Variants in ZNF765 observed in about 807,000 individuals in gnomAD.
The protein encoded by ZNF765 is zinc finger protein 765.
ZNF765 carries 37 observed loss-of-function variants against 44.7 expected under a neutral mutation model. The ratio of observed to expected loss-of-function variants is 0.83; its 90% CI spans 0.64 to 1.09. The LOEUF is 1.09. Among genes scored for constraint, ZNF765 ranks in the 50% least tolerant of loss-of-function variants. The probability of loss-of-function intolerance (pLI) is 0.00; values close to 1 mark genes in which losing one functional copy is unlikely to be tolerated. For missense variants in ZNF765, 594 were observed against 626.1 expected (o/e 0.95, Z 0.55); for synonymous variants, 201 against 213.7 (o/e 0.94, Z 0.52).
chr19:53,408,360 A>G lies in ZNF765; in HGVS notation c.805A>G (p.Lys269Glu), dbSNP rs1311601490. 1 of 1,614,196 alleles carries G rather than the reference A, an allele frequency of 6.2e-7. No individual in the cohort carries two copies. Reference sequence around the variant, plus strand: ...CCATCGTAGATGTCACACTGGTGAGAAACCTTACAAGTGTAATGAGTGTGG... The same window carrying G: ...CCATCGTAGATGTCACACTGGTGAGGAACCTTACAAGTGTAATGAGTGTGG... ...ARHRRCHTGE[K>E]PYKCNECGKT... The change falls in exon 4 of 4, where the codon AAA becomes GAA. Residue 269 changes from lysine to glutamate, a missense_variant. Physicochemically the swap from Lys to Glu is moderately conservative, Grantham distance 56 (BLOSUM62 1). Around this residue, in one of 2 missense-constraint regions of ZNF765, gnomAD observed 567 missense variants for 572.6 expected, o/e 0.99. Transcript: ENST00000396408.
rs2085818554 is a variant in ZNF765, at chr19:53,409,971, G to C, written c.*844G>C. On this transcript the variant is annotated 3_prime_UTR_variant, in exon 4 of 4. Transcript: ENST00000396408. ...AATGCTACAACTATTGCAAATCATTGGAGAATCCATAATGAAGAGAGATCC... is the reference window on the plus strand; with the variant it reads ...AATGCTACAACTATTGCAAATCATTCGAGAATCCATAATGAAGAGAGATCC... 6 of 556,356 alleles carry C rather than the reference G, an allele frequency of 1.1e-5. No individual in the cohort carries two copies. The Admixed American group carries it at 1.3e-4, about 12-fold the overall frequency. The allele number at this position is 556,356 out of a possible 1,614,324, so 34.5% of individuals were successfully genotyped here. A position where few individuals can be genotyped will look rare whatever the true frequency, so the allele number is the denominator to read the frequency against.
chr19:53,414,800 G>C (rs1221911424), downstream of ZNF765, among the ~76,000 whole-genome samples: 1 of 150,480 alleles, frequency 6.6e-6, no homozygotes. Flanking sequence ...CACCACAGGT[G>C]CTCAATCAGT....
At chr19:53,402,248 CTTTTTTTTTTT>C (rs72582439) in intron 3 of ZNF765, 57 bp downstream of exon 3, 186 of 1,260,198 alleles carry the variant, frequency 1.5e-4, no homozygotes, top group Non-Finnish European at 1.5e-4. Context: ...ATTTTCTCTC[CTTTTTTTTTTT>C]TTTTTTTTTT....
At chr19:53,407,644 C>A in intron 3 of ZNF765, 54 bp from the exon 4 acceptor site, 3 of 1,318,648 alleles carry the variant, frequency 2.3e-6, no homozygotes, top group South Asian at 1.7e-5. Context: ...CACATTTCAG[C>A]ATTATTTACC....
chr19:53,414,254 A>AAAAAAC (rs2085856023), downstream of ZNF765, among the ~76,000 whole-genome samples: 4 of 147,154 alleles, frequency 2.7e-5, no homozygotes. Context: ...AAAAAAAAAA[A>AAAAAAC]GAAACTTGCA....
At chr19:53,407,627 A>G (rs1201518781) in intron 3 of ZNF765, 71 bp from the exon 4 acceptor site, 4 of 1,174,942 alleles carry the variant, frequency 3.4e-6, no homozygotes, top group Middle Eastern at 2.1e-4. Context: ...TTTTTGTGTC[A>G]TATTTACACA....
At chr19:53,418,278 G>A (rs887370419) in intron 3 of ZNF765, among the ~76,000 whole-genome samples, 1 of 152,120 alleles carries the variant, frequency 6.6e-6, no homozygotes, top group Non-Finnish European at 1.5e-5. Context: ...GCGGGTGCCT[G>A]TAGTCCCAGC....
intron 3 of ZNF765, among the ~76,000 whole-genome samples, chr19:53,419,519 T>C (rs957614899): frequency 2.0e-5 from 3 of 152,196 alleles, no homozygotes. Context: ...ATAATCAGTT[T>C]TAGATAGCAG....
chr19:53,416,539 A>G (rs1248904933), downstream of ZNF765, among the ~76,000 whole-genome samples: 1 of 152,222 alleles, frequency 6.6e-6, no homozygotes, highest in Non-Finnish European at 1.5e-5. Flanking sequence ...TTATAGGACC[A>G]GTAAACCTTT....
chr19:53,409,368 C>A lies in ZNF765; in HGVS notation c.*241C>A. 1.2e-6 allele frequency: 1 copy of A among 838,232 alleles called. No individual in the cohort carries two copies. The highest frequency in any genetic ancestry group is 1.4e-5 in the South Asian group (1 of 73,462). The allele number at this position is 838,232 out of a possible 1,614,324, so 51.9% of individuals were successfully genotyped here. A position where few individuals can be genotyped will look rare whatever the true frequency, so the allele number is the denominator to read the frequency against. The stretch of plus-strand genomic sequence containing the variant: ...TAAACTTCATAGTGGAGAGACCTTA[C>A]AAATGTGAAGAATGTGAAGAAGCTT... On this transcript the variant is annotated 3_prime_UTR_variant, in exon 4 of 4. Coordinates refer to ENST00000396408, the MANE Select transcript of ZNF765 (RefSeq NM_001040185.3).
chr19:53,408,376 A>G lies in ZNF765; in HGVS notation c.821A>G (p.Asn274Ser), dbSNP rs2085797789. The G allele has an allele frequency of 6.2e-7, 1 of 1,614,216 alleles. No homozygotes were observed. Among genetic ancestry groups the G allele is most frequent in the Non-Finnish European group, 8.5e-7 (1 of 1,180,016 alleles). The stretch of plus-strand genomic sequence containing the variant: ...ACTGGTGAGAAACCTTACAAGTGTA[A>G]TGAGTGTGGCAAGACCTTCAGTCAG... ...CHTGEKPYKC[N>S]ECGKTFSQTY... The change falls in exon 4 of 4, where the codon AAT (asparagine) becomes AGT (serine). Residue 274 changes from asparagine (N) to serine (S), a missense_variant. Transcript: ENST00000396408.
intron 3 of ZNF765, among the ~76,000 whole-genome samples, chr19:53,419,412 T>C (rs544751324): frequency 9.2e-5 from 14 of 152,214 alleles, no homozygotes; most frequent in Admixed American, 2.0e-4. Flanking sequence ...AGAGTCATTG[T>C]TTCTCTATTG....
At chr19:53,407,119 C>A (rs1260996862) in intron 3 of ZNF765, among the ~76,000 whole-genome samples, 2 of 152,008 alleles carry the variant, frequency 1.3e-5, no homozygotes, top group African/African-American at 2.4e-5. Context: ...TCAAACGATT[C>A]TTGTGCCTCG....
chr19:53,403,466 G>C (rs1054075740), intron 3 of ZNF765, among the ~76,000 whole-genome samples: 1 of 151,364 alleles, frequency 6.6e-6, no homozygotes, highest in Admixed American at 6.6e-5. Context: ...TTGTTTGTTT[G>C]TTTATGATGG....
chr19:53,412,459 C>CAT (rs1214945368), downstream of ZNF765, among the ~76,000 whole-genome samples: 3 of 152,088 alleles, frequency 2.0e-5, no homozygotes, highest in African/African-American at 7.2e-5. Context: ...TGGAAAAATA[C>CAT]ATATTATGAG....
At chr19:53,407,079 T>G (rs1359238546) in intron 3 of ZNF765, among the ~76,000 whole-genome samples, 1 of 152,032 alleles carries the variant, frequency 6.6e-6, no homozygotes, top group Non-Finnish European at 1.5e-5. Context: ...TGGTGCAATC[T>G]CAGCTCACTG....
chr19:53,410,958 A>T lies in ZNF765; in HGVS notation c.*1831A>T, dbSNP rs1174506912. 5.1e-6 allele frequency: 2 copies of T among 395,828 alleles called. No homozygotes were observed. The highest frequency in any genetic ancestry group is 1.4e-4 in the East Asian group (2 of 13,874). The allele number at this position is 395,828 out of a possible 1,614,324, so 24.5% of individuals were successfully genotyped here. ...TCAGTGTGCCAAAGTCTTCAGTCTGAGCTCACTCCTTGCAGGATATCAGAA... is the reference window on the plus strand; with the variant it reads ...TCAGTGTGCCAAAGTCTTCAGTCTGTGCTCACTCCTTGCAGGATATCAGAA... On this transcript the variant is annotated 3_prime_UTR_variant, in exon 4 of 4. Transcript: ENST00000396408.
rs1397530971 is a variant in ZNF765 at position 53,407,696 on chromosome 19, A to G, written c.143-2A>G. The G allele has an allele frequency of 6.5e-7, 1 of 1,539,534 alleles. No individual in the cohort carries two copies. Among genetic ancestry groups the G allele is most frequent in the Non-Finnish European group, 8.7e-7 (1 of 1,146,196 alleles). On this transcript the variant is annotated splice_acceptor_variant, in intron 3 of 3. Transcript: ENST00000396408. LOFTEE classifies it high-confidence loss of function. ...AAACCTTTTGGTGTGTATACTTTTT[A>G]GATATCTCTTCCAAATGCATGATGA...
At chr19:53,396,208 G>A (rs558554398) in intron 1 of ZNF765, among the ~76,000 whole-genome samples, 83 of 152,070 alleles carry the variant, frequency 5.5e-4, no homozygotes, top group African/African-American at 2.0e-3. Flanking sequence ...AGCACAGCAG[G>A]GAGGACACCT....
Sources: allele counts gnomAD v4.1 joint callset (sites outside exome capture counted in the v4.1 genomes callset), GRCh38; gene constraint gnomAD v4.1.1; regional missense constraint gnomAD v4.1.1; transcripts MANE v1.5; gene names NCBI Gene and HGNC (gene_info 2026-07-23, HGNC 2026-07-21).